Variants in HPSE2 observed in about 807,000 individuals in gnomAD.
HPSE2 encodes heparanase 2 (inactive).
A neutral mutation model predicts 60.5 loss-of-function variants in HPSE2; 38 were observed. The ratio of observed to expected loss-of-function variants is 0.63; its 90% CI spans 0.48 to 0.82. The LOEUF (loss-of-function observed/expected upper bound fraction) is 0.82, where lower values mean the gene tolerates loss of function less well. HPSE2 is among the 40% of genes least tolerant of loss of function. The pLI is 0.00. For synonymous variants in HPSE2, 295 were observed against 293.2 expected, an observed-to-expected ratio of 1.01 and a Z score of -0.06; for missense variants, 713 against 740.4, an observed-to-expected ratio of 0.96 and a Z score of 0.43.
chr10:99,022,719 A>G (rs1363143808), intron 3 of HPSE2, among the ~76,000 whole-genome samples: 1 of 152,128 alleles, frequency 6.6e-6, no homozygotes, highest in African/African-American at 2.4e-5. Context: ...CTACTTCCAG[A>G]TGACATTTCT....
chr10:99,142,543 T>C (rs1589723255), intron 3 of HPSE2, among the ~76,000 whole-genome samples: 2 of 152,188 alleles, frequency 1.3e-5, no homozygotes, highest in Admixed American at 6.5e-5. Context: ...GGGTGAAAAA[T>C]GTGGAAAATG....
In HPSE2 at chr10:98,937,623, C is replaced by T. The variant is rs992474966; in HGVS notation, c.611-193567G>A. 4.9e-5 allele frequency among the ~76,000 whole-genome samples: 7 copies of T among 143,574 alleles called. 2 individuals are homozygous for T. Among genetic ancestry groups the T allele is most frequent in the African/African-American group, 2.0e-4 (7 of 35,268 alleles). 94.2% of individuals were successfully genotyped at this position (143,574 alleles called of 152,430 possible). A position where few individuals can be genotyped will look rare whatever the true frequency, so the allele number is the denominator to read the frequency against. ...TGGAGCCCACCACAGCTCAAGGAGG[C>T]CTGCCTGCCTCTGTAGGCTCCACCT... On this transcript the variant is annotated intron_variant, in intron 3 of 11. Transcript: ENST00000370552.
chr10:98,543,621 A>G (rs895129551), intron 9 of HPSE2, among the ~76,000 whole-genome samples: 1 of 152,156 alleles, frequency 6.6e-6, no homozygotes, highest in Non-Finnish European at 1.5e-5. Flanking sequence ...TCAAAATAAA[A>G]GGATGGAGGA....
chr10:98,544,581 C>T (rs1420519145), intron 9 of HPSE2, among the ~76,000 whole-genome samples: 2 of 151,424 alleles, frequency 1.3e-5, no homozygotes, highest in African/African-American at 2.4e-5. Context: ...GGCGTGGTGG[C>T]GGGCGCCTGT....
chr10:98,956,800 C>CATAG (rs1955520320), intron 3 of HPSE2, among the ~76,000 whole-genome samples: 1 of 151,618 alleles, frequency 6.6e-6, no homozygotes, highest in Admixed American at 6.6e-5. Context: ...ATGTGCCTAA[C>CATAG]AAAGAAAGGA....
chr10:98,792,640 CAAAAAAA>C (rs60889251), intron 3 of HPSE2, among the ~76,000 whole-genome samples: 1 of 139,722 alleles, frequency 7.2e-6, no homozygotes, highest in Non-Finnish European at 1.6e-5. Context: ...CAAATTCCTA[CAAAAAAA>C]AAAAAAAAAC....
intron 5 of HPSE2, among the ~76,000 whole-genome samples, chr10:98,721,175 TG>T (rs1221397184): frequency 2.0e-5 from 3 of 151,672 alleles, no homozygotes; most frequent in Non-Finnish European, 2.9e-5. Context: ...ATAGGAAAAG[TG>T]GTAGCAATTC....
chr10:99,121,762 A>G (rs1844962276), intron 3 of HPSE2, among the ~76,000 whole-genome samples: 1 of 152,200 alleles, frequency 6.6e-6, no homozygotes, highest in African/African-American at 2.4e-5. Context: ...TAAATACATT[A>G]AAATTTTAAA....
At chr10:98,921,012 G>C (rs548341925) in intron 3 of HPSE2, among the ~76,000 whole-genome samples, 8 of 152,310 alleles carry the variant, frequency 5.3e-5, no homozygotes, top group Admixed American at 3.9e-4. Flanking sequence ...TGACATCATA[G>C]TTAAGTGTGC....
chr10:98,943,378 A>G (rs1168429213), intron 3 of HPSE2, among the ~76,000 whole-genome samples: 1 of 151,932 alleles, frequency 6.6e-6, no homozygotes, highest in Non-Finnish European at 1.5e-5. Flanking sequence ...GTACATAAAT[A>G]TATTACCTAT....
chr10:98,629,424 C>T (rs1228244842), intron 7 of HPSE2, among the ~76,000 whole-genome samples: 1 of 152,208 alleles, frequency 6.6e-6, no homozygotes, highest in African/African-American at 2.4e-5. Context: ...TGCCTCTTGT[C>T]AGTCTTTGTT....
chr10:99,143,428 CTTTT>C (rs1386407532), intron 3 of HPSE2, among the ~76,000 whole-genome samples: 1 of 152,070 alleles, frequency 6.6e-6, no homozygotes, highest in East Asian at 1.9e-4. Flanking sequence ...GACAATCCAT[CTTTT>C]TATTTTTTTA....
At chr10:98,788,683 A>T (rs1950586816) in intron 3 of HPSE2, among the ~76,000 whole-genome samples, 1 of 151,906 alleles carries the variant, frequency 6.6e-6, no homozygotes, top group Non-Finnish European at 1.5e-5. Context: ...AAAGCGCAAT[A>T]TTTGGGTGGG....
chr10:98,484,732 A>T (rs1198331010), intron 10 of HPSE2, among the ~76,000 whole-genome samples: 2 of 152,238 alleles, frequency 1.3e-5, no homozygotes, highest in African/African-American at 4.8e-5. Context: ...CTACCTCAAG[A>T]TTATAAAACT....
At chr10:98,549,303 G>A (rs973635785) in intron 9 of HPSE2, among the ~76,000 whole-genome samples, 2 of 152,046 alleles carry the variant, frequency 1.3e-5, no homozygotes, top group African/African-American at 4.8e-5. Flanking sequence ...CTAGACTACT[G>A]AGAATAGAGC....
At chr10:99,244,131 C>A in the HPSE2 span, among the ~76,000 whole-genome samples, 4 of 150,838 alleles carry the variant, frequency 2.7e-5, no homozygotes, top group Admixed American at 2.0e-4. Flanking sequence ...CATTTTCCTG[C>A]CTCAGCCTCC....
In HPSE2 at chr10:98,932,290, G is replaced by A. The variant is rs559445291; in HGVS notation, c.611-188234C>T. On this transcript the variant is annotated intron_variant, in intron 3 of 11. Coordinates refer to ENST00000370552, the MANE Select transcript of HPSE2 (RefSeq NM_021828.5). ...TTACATTTATTGATTTGCATATATTGAACCAGCCTTGCATTCTGGGGATAA... is the reference window on the plus strand; with the variant it reads ...TTACATTTATTGATTTGCATATATTAAACCAGCCTTGCATTCTGGGGATAA... Among the ~76,000 whole-genome samples the A allele has an allele frequency of 1.1e-3, 152 of 144,188 alleles. 38 individuals carry two copies. The highest frequency in any genetic ancestry group is 4.2e-3 in the African/African-American group (148 of 35,618). 94.6% of individuals were successfully genotyped at this position (144,188 alleles called of 152,430 possible).
intron 7 of HPSE2, among the ~76,000 whole-genome samples, chr10:98,633,934 T>G (rs1429992593): frequency 1.3e-5 from 2 of 152,212 alleles, no homozygotes; most frequent in Non-Finnish European, 2.9e-5. Context: ...TAATGTAGAA[T>G]GAAAGATTGT....
intron 3 of HPSE2, among the ~76,000 whole-genome samples, chr10:99,143,182 C>T (rs1045355052): frequency 2.0e-5 from 3 of 152,122 alleles, no homozygotes; most frequent in Admixed American, 2.0e-4. Flanking sequence ...AATCCATAAT[C>T]CCCTTTTCTG....
Sources: allele counts gnomAD v4.1 joint callset (sites outside exome capture counted in the v4.1 genomes callset), GRCh38; gene constraint gnomAD v4.1.1; transcripts MANE v1.5; gene names NCBI Gene and HGNC (gene_info 2026-07-23, HGNC 2026-07-21).